The following BRD10 variants were observed in gnomAD, a reference collection of about 807,000 sequenced individuals.
BRD10 encodes the protein uncharacterized bromodomain-containing protein 10.
the BRD10 span, among the ~76,000 whole-genome samples, chr9:5,883,771 C>A: frequency 1.3e-5 from 2 of 152,190 alleles, no homozygotes; most frequent in East Asian, 3.9e-4. Context: ...TGCACCCACC[C>A]CCTATTCCTT....
At chr9:5,978,382 T>A in the BRD10 span, among the ~76,000 whole-genome samples, 1 of 144,930 alleles carries the variant, frequency 6.9e-6, no homozygotes, top group Non-Finnish European at 1.5e-5. Flanking sequence ...TCAAAGACAT[T>A]GCAATTTAGT....
At chr9:6,007,262 G>A in the BRD10 span, 1 of 1,613,918 alleles carries the variant, frequency 6.2e-7, no homozygotes, top group South Asian at 1.1e-5. Context: ...GAGATCCAGT[G>A]GTCCACTCCG....
At chr9:5,936,312 A>C in the BRD10 span, among the ~76,000 whole-genome samples, 1 of 152,162 alleles carries the variant, frequency 6.6e-6, no homozygotes, top group East Asian at 1.9e-4. Flanking sequence ...CCAAAATCAC[A>C]CTACTGCACT....
chr9:5,992,676 T>C, the BRD10 span, among the ~76,000 whole-genome samples: 15 of 151,822 alleles, frequency 9.9e-5, no homozygotes, highest in African/African-American at 2.9e-4. Context: ...CCAATAATTA[T>C]GGTTACTTAT....
the BRD10 span, chr9:6,007,246 T>C: frequency 6.2e-7 from 1 of 1,613,838 alleles, no homozygotes; most frequent in Admixed American, 1.7e-5. Context: ...CTTCTGGCCC[T>C]GTTTGGAGAT....
the BRD10 span, among the ~76,000 whole-genome samples, chr9:5,917,763 G>A: frequency 1.3e-5 from 2 of 152,194 alleles, no homozygotes; most frequent in South Asian, 2.1e-4. Context: ...TGAGGTGGGA[G>A]AATTGCTTGA....
chr9:5,915,608 T>C, the BRD10 span, among the ~76,000 whole-genome samples: 2 of 152,242 alleles, frequency 1.3e-5, no homozygotes, highest in African/African-American at 4.8e-5. Context: ...TGGGCTTTTC[T>C]GAGACTCAGT....
the BRD10 span, among the ~76,000 whole-genome samples, chr9:6,006,202 G>T: frequency 1.3e-5 from 2 of 152,188 alleles, no homozygotes; most frequent in African/African-American, 4.8e-5. Context: ...CAGCACTGTT[G>T]ATTTCACATT....
the BRD10 span, among the ~76,000 whole-genome samples, chr9:5,948,740 G>C: frequency 1.1e-4 from 16 of 152,122 alleles, no homozygotes; most frequent in Middle Eastern, 3.4e-3. Context: ...AATAGGTCCA[G>C]ACAAAAGGGA....
the BRD10 span, among the ~76,000 whole-genome samples, chr9:5,987,328 T>C: frequency 3.3e-5 from 5 of 152,174 alleles, no homozygotes; most frequent in African/African-American, 1.2e-4. Context: ...TGGTGACCAG[T>C]ATTGGAGGTG....
At chr9:5,921,171 T>A in the BRD10 span, 1 of 1,613,946 alleles carries the variant, frequency 6.2e-7, no homozygotes, top group African/African-American at 1.3e-5. Context: ...TTGCTACTTT[T>A]GTCTTCTCCT....
At chr9:5,934,422 G>A in the BRD10 span, among the ~76,000 whole-genome samples, 4 of 147,540 alleles carry the variant, frequency 2.7e-5, no homozygotes, top group Non-Finnish European at 5.9e-5. Flanking sequence ...GCAGAGGTAC[G>A]ATGTCGGCTC....
At chr9:5,954,574 T>C in the BRD10 span, among the ~76,000 whole-genome samples, 7 of 152,184 alleles carry the variant, frequency 4.6e-5, no homozygotes, top group African/African-American at 1.7e-4. Flanking sequence ...GTTTTTCTAC[T>C]CCTTTAGCTC....
the BRD10 span, among the ~76,000 whole-genome samples, chr9:6,004,146 T>G: frequency 6.6e-6 from 1 of 152,246 alleles, no homozygotes; most frequent in African/African-American, 2.4e-5. Flanking sequence ...CTAGTCTCTT[T>G]CTCTTCCTTA....
chr9:5,960,937 G>A, the BRD10 span, among the ~76,000 whole-genome samples: 1 of 152,038 alleles, frequency 6.6e-6, no homozygotes, highest in Non-Finnish European at 1.5e-5. Flanking sequence ...ATACGCAGGG[G>A]AAAAAAAGCA....
At chr9:5,887,977 C>A in the BRD10 span, among the ~76,000 whole-genome samples, 22 of 152,192 alleles carry the variant, frequency 1.4e-4, no homozygotes, top group South Asian at 4.1e-4. Flanking sequence ...TGGTGACTAT[C>A]CAGTATCTGG....
the BRD10 span, among the ~76,000 whole-genome samples, chr9:5,912,771 G>A: frequency 6.6e-6 from 1 of 152,178 alleles, no homozygotes; most frequent in Non-Finnish European, 1.5e-5. Context: ...TGACATACCT[G>A]TGGGCTGGGA....
At chr9:5,905,353 C>A in the BRD10 span, among the ~76,000 whole-genome samples, 1 of 152,128 alleles carries the variant, frequency 6.6e-6, no homozygotes, top group Admixed American at 6.5e-5. Context: ...TCATTATACT[C>A]CCTCCCTTTT....
At chr9:5,896,639 C>T in the BRD10 span, among the ~76,000 whole-genome samples, 1 of 152,350 alleles carries the variant, frequency 6.6e-6, no homozygotes, top group African/African-American at 2.4e-5. Flanking sequence ...ATAACAGAGT[C>T]AGTTCTGTCG....
Sources: allele counts gnomAD v4.1 joint callset (sites outside exome capture counted in the v4.1 genomes callset), GRCh38; gene constraint gnomAD v4.1.1; transcripts MANE v1.5; gene names NCBI Gene and HGNC (gene_info 2026-07-23, HGNC 2026-07-21).